C1QTNF5: variants seen among roughly 807,000 people sequenced by gnomAD.
C1QTNF5 encodes the protein C1q and TNF related 5, also known as complement C1q tumor necrosis factor-related protein 5.
A neutral mutation model predicts 10.9 loss-of-function variants in C1QTNF5; 5 were observed. The observed-to-expected ratio is 0.46, with a 90% CI of 0.24 to 0.97. C1QTNF5 has a LOEUF of 0.97. Ranked by LOEUF, C1QTNF5 falls within the 50% of genes least tolerant of loss-of-function variation. The pLI is 0.19. For missense variants in C1QTNF5, 281 were observed against 339.4 expected (o/e 0.83, Z 1.35); for synonymous variants, 161 against 156.5 (o/e 1.03, Z -0.22).
chr11:119,345,788 G>A (rs1356502675), upstream of C1QTNF5: 1 of 1,613,708 alleles, frequency 6.2e-7, no homozygotes, highest in Non-Finnish European at 8.5e-7. Context: ...TGTGGGGAGG[G>A]GCTCACGCCT....
upstream of C1QTNF5, chr11:119,345,542 A>G: frequency 1.9e-6 from 3 of 1,614,076 alleles, no homozygotes; most frequent in East Asian, 2.2e-5. Context: ...CCACCTGGAT[A>G]TGCCACACGC....
At chr11:119,344,848 C>A (rs779988237), upstream of C1QTNF5, 3 of 1,613,310 alleles carry the variant, frequency 1.9e-6, no homozygotes, top group South Asian at 3.3e-5. Context: ...AGTGGACACT[C>A]AACAGGCAGG....
In C1QTNF5 at chr11:119,339,509, CA is replaced by C. The variant is rs768357759; in HGVS notation, c.553del (p.Trp185GlyfsTer13). 6.2e-7 allele frequency: 1 copy of C among 1,613,768 alleles called. No homozygotes were observed. The highest frequency in any genetic ancestry group is 1.7e-5 in the Admixed American group (1 of 60,028). ...IASFFQFFGGWPKPASLSGGA... is the reference protein window; with the variant it reads ...IASFFQFFGGXPKPASLSGGA... ...CCCCGAGAGCGAGGCTGGCTTGGGC[CA>C]CCCCCCGAAAAACTGGAAGAAAGAG... is the stretch of plus-strand genomic sequence containing the variant. On this transcript the variant is annotated frameshift_variant, in exon 3 of 3. Transcript: ENST00000528368. LOFTEE classifies it high-confidence loss of function. This position sits in a 1 kb window ranked among gnomAD's most constrained non-coding sequence, Gnocchi z 5.4.
chr11:119,344,428 A>G, upstream of C1QTNF5: 1 of 1,598,916 alleles, frequency 6.3e-7, no homozygotes, highest in Non-Finnish European at 8.6e-7. Context: ...GTTTGCTAGG[A>G]TCTGTGCCTC....
upstream of C1QTNF5, chr11:119,345,848 T>C (rs1342696322): frequency 1.2e-6 from 2 of 1,613,208 alleles, no homozygotes; most frequent in African/African-American, 1.3e-5. Context: ...GTGGTGATGG[T>C]GGGGGTGGTG....
chr11:119,341,718 G>C (rs748952746), upstream of C1QTNF5: 2 of 1,613,260 alleles, frequency 1.2e-6, no homozygotes, highest in Admixed American at 1.7e-5. Flanking sequence ...CGGGGCACAA[G>C]CAGCCCACAC....
the C1QTNF5 span, chr11:119,346,272 C>A: frequency 6.2e-7 from 1 of 1,611,802 alleles, no homozygotes; most frequent in South Asian, 1.1e-5. Context: ...GGATGGTTAC[C>A]ATGCCAGGGA....
chr11:119,343,643 G>A (rs995511188), upstream of C1QTNF5, among the ~76,000 whole-genome samples: 1 of 152,192 alleles, frequency 6.6e-6, no homozygotes, highest in African/African-American at 2.4e-5. Flanking sequence ...GGAGAGTGTG[G>A]GGTGAAGGTT....
At chr11:119,345,291 G>C (rs1456157971), upstream of C1QTNF5, 3 of 971,796 alleles carry the variant, frequency 3.1e-6, no homozygotes, top group East Asian at 2.6e-5. Flanking sequence ...GGTGGTGGCA[G>C]AGCTGGGCCC....
At position 119,339,868 on chromosome 11, in the gene C1QTNF5, G is replaced by T; in HGVS notation, c.215-20C>A. 6.9e-7 allele frequency: 1 copy of T among 1,457,244 alleles called. No individual in the cohort carries two copies. The highest frequency in any genetic ancestry group is 1.4e-5 in the African/African-American group (1 of 70,232). 90.3% of individuals were successfully genotyped at this position (1,457,244 alleles called of 1,614,324 possible). Reference sequence around the variant, plus strand: ...GCAGTCCTGCGGGGTAAGCGGGGCGGCAGGGTGAGAGTAGCGGCGGCTCAG... The same window carrying T: ...GCAGTCCTGCGGGGTAAGCGGGGCGTCAGGGTGAGAGTAGCGGCGGCTCAG... On this transcript the variant is annotated intron_variant, in intron 2 of 2. Coordinates refer to ENST00000528368, the MANE Select transcript of C1QTNF5 (RefSeq NM_001278431.2). This position sits in a 1 kb window ranked among gnomAD's most constrained non-coding sequence, Gnocchi z 5.4.
chr11:119,340,428 G>T lies in C1QTNF5; in HGVS notation c.-31C>A. 6.5e-7 allele frequency: 1 copy of T among 1,535,908 alleles called. No homozygotes were observed. Among genetic ancestry groups the T allele is most frequent in the East Asian group, 2.5e-5 (1 of 40,634 alleles). ...TGGCACCGGGAGCCCGGACGCCGGG[G>T]TCCTCTCGCAGTCTGTGGACCAGGC... On this transcript the variant is annotated 5_prime_UTR_variant, in exon 2 of 3. Coordinates refer to ENST00000528368, the MANE Select transcript of C1QTNF5 (RefSeq NM_001278431.2).
chr11:119,344,912 C>G, upstream of C1QTNF5: 1 of 1,612,206 alleles, frequency 6.2e-7, no homozygotes. Context: ...GGCATGGAAA[C>G]CAAATCCTTC....
chr11:119,345,840 G>T (rs369448482), upstream of C1QTNF5: 79 of 1,613,858 alleles, frequency 4.9e-5, no homozygotes, highest in African/African-American at 8.3e-4. Context: ...CCTGAGAGGT[G>T]GTGATGGTGG....
At chr11:119,342,106 C>G (rs1950508848), upstream of C1QTNF5, 5 of 1,204,072 alleles carry the variant, frequency 4.2e-6, no homozygotes, top group Admixed American at 2.0e-5. Context: ...TGTGAGGAAG[C>G]AAGAGGATAA....
At chr11:119,343,801 C>T, upstream of C1QTNF5, 1 of 1,613,744 alleles carries the variant, frequency 6.2e-7, no homozygotes, top group Non-Finnish European at 8.5e-7. Context: ...CATGGCTCTT[C>T]CCTGGCTCCT....
At chr11:119,344,343 C>T, upstream of C1QTNF5, 2 of 1,613,954 alleles carry the variant, frequency 1.2e-6, no homozygotes, top group Non-Finnish European at 1.7e-6. Context: ...CTGCAGGTAG[C>T]TGGGAGTAGA....
At chr11:119,344,016 C>G, upstream of C1QTNF5, 1 of 1,606,252 alleles carries the variant, frequency 6.2e-7, no homozygotes, top group Non-Finnish European at 8.5e-7. Context: ...CTGTCTCATC[C>G]CGGGCACCCA....
the C1QTNF5 span, chr11:119,346,600 AG>A: frequency 7.1e-7 from 1 of 1,399,120 alleles, no homozygotes; most frequent in Non-Finnish European, 1.0e-6. Flanking sequence ...ACTCCCTGTC[AG>A]AGGGGCAGCC....
chr11:119,342,040 G>T, upstream of C1QTNF5: 1 of 1,608,596 alleles, frequency 6.2e-7, no homozygotes, highest in Non-Finnish European at 8.5e-7. Flanking sequence ...TCTGTGGCCT[G>T]TGGCAAGTCA....
Sources: gnomAD v4.1 joint callset for allele counts (sites outside exome capture counted in the v4.1 genomes callset) on GRCh38, gnomAD v4.1.1 for gene constraint, Gnocchi (gnomAD v3.1) non-coding constraint, MANE v1.5 for transcripts, NCBI Gene and HGNC (gene_info 2026-07-23, HGNC 2026-07-21) for gene names.